Variants in BRSK2 observed in about 807,000 individuals in gnomAD.
The protein encoded by BRSK2 is serine/threonine-protein kinase BRSK2.
In BRSK2, 19 loss-of-function variants were observed where a neutral mutation model predicts 83.3. The observed-to-expected ratio is 0.23, with a 90% CI of 0.16 to 0.33. The LOEUF (loss-of-function observed/expected upper bound fraction) is 0.33, where lower values mean the gene tolerates loss of function less well. Among genes scored for constraint, BRSK2 ranks in the 10% least tolerant of loss-of-function variants. The probability of loss-of-function intolerance (pLI) is 1.00; values close to 1 mark genes in which losing one functional copy is unlikely to be tolerated. For synonymous variants in BRSK2, 519 were observed against 435.4 expected (o/e 1.19, Z -2.39); for missense variants, 798 against 1,042.3 (o/e 0.77, Z 3.23).
At chr11:1,391,003 C>T (rs534203555) in intron 1 of BRSK2, among the ~76,000 whole-genome samples, 1 of 152,266 alleles carries the variant, frequency 6.6e-6, no homozygotes, top group South Asian at 2.1e-4. Context: ...GTGCTGGGAC[C>T]AGAAGTGCGT....
intron 1 of BRSK2, among the ~76,000 whole-genome samples, chr11:1,421,338 G>A (rs551427866): frequency 6.6e-6 from 1 of 152,206 alleles, no homozygotes; most frequent in East Asian, 1.9e-4. Context: ...CTGCAGAGAT[G>A]CCTGCCTCTG....
intron 1 of BRSK2, among the ~76,000 whole-genome samples, chr11:1,397,905 C>G (rs1245328566): frequency 6.6e-6 from 1 of 152,138 alleles, no homozygotes; most frequent in Non-Finnish European, 1.5e-5. Context: ...TGGGGGTGCC[C>G]AGGGCATTCA....
At chr11:1,444,811 C>T (rs1851794077) in intron 8 of BRSK2, among the ~76,000 whole-genome samples, 160 bp from the exon 9 acceptor site, 1 of 151,790 alleles carries the variant, frequency 6.6e-6, no homozygotes, top group Admixed American at 6.6e-5. Context: ...GGGAACGCAG[C>T]CCCCTCCCTA....
intron 1 of BRSK2, among the ~76,000 whole-genome samples, chr11:1,402,134 G>A (rs1249543581): frequency 6.6e-6 from 1 of 152,218 alleles, no homozygotes; most frequent in African/African-American, 2.4e-5. Context: ...CTGCGTGTGG[G>A]TGCCGGAGAG....
chr11:1,437,142 G>A (rs1281892728), intron 2 of BRSK2, among the ~76,000 whole-genome samples: 2 of 152,046 alleles, frequency 1.3e-5, no homozygotes, highest in African/African-American at 4.8e-5. Flanking sequence ...GGGCGTAGCT[G>A]GGGAGAGTCC....
chr11:1,418,557 T>A (rs1397849977), intron 1 of BRSK2, among the ~76,000 whole-genome samples: 1 of 151,356 alleles, frequency 6.6e-6, no homozygotes, highest in Non-Finnish European at 1.5e-5. Flanking sequence ...CTGTTTCTTC[T>A]CTTGAGAGTG....
In BRSK2 at chr11:1,462,183, G is replaced by C. The variant is rs1847576575; in HGVS notation, c.*1460G>C. On this transcript the variant is annotated 3_prime_UTR_variant, in exon 20 of 20. Coordinates refer to ENST00000528841, the MANE Select transcript of BRSK2 (RefSeq NM_001256627.2). ...AGCGAGGCCCAGGGCGCAGCCCTCA[G>C]AGGGCTGCAGGCCCACCCTGCCCAG... is the stretch of plus-strand genomic sequence containing the variant. The C allele has an allele frequency of 6.6e-6, 1 of 152,284 alleles. No individual in the cohort carries two copies. 9.4% of individuals were successfully genotyped at this position (152,284 alleles called of 1,614,324 possible).
intron 1 of BRSK2, among the ~76,000 whole-genome samples, chr11:1,412,352 G>A (rs1192608691): frequency 6.0e-4 from 8 of 13,368 alleles, no homozygotes; most frequent in African/African-American, 2.8e-4. Context: ...GCGCCGCCCC[G>A]TCCTGCGGTG....
intron 12 of BRSK2, among the ~76,000 whole-genome samples, chr11:1,449,380 G>T (rs192159399): frequency 2.0e-5 from 3 of 152,226 alleles, no homozygotes; most frequent in African/African-American, 4.8e-5. Flanking sequence ...AGCCAGGGGG[G>T]GCTTGGCAGG....
chr11:1,439,431 T>C (rs750781103), intron 3 of BRSK2, among the ~76,000 whole-genome samples: 7 of 151,010 alleles, frequency 4.6e-5, no homozygotes, highest in Non-Finnish European at 1.0e-4. Context: ...GGGGTGGTCC[T>C]GGCCCTGATG....
intron 15 of BRSK2, among the ~76,000 whole-genome samples, chr11:1,453,385 A>C (rs1449147890): frequency 6.6e-6 from 1 of 152,230 alleles, no homozygotes; most frequent in Non-Finnish European, 1.5e-5. Flanking sequence ...CTGTCTCTTC[A>C]TCGGGCAGAA....
At chr11:1,427,930 C>T (rs1849441192) in intron 1 of BRSK2, among the ~76,000 whole-genome samples, 1 of 152,188 alleles carries the variant, frequency 6.6e-6, no homozygotes, top group Non-Finnish European at 1.5e-5. Context: ...CAGAGAAACT[C>T]GGAGCTGAGG....
At chr11:1,449,563 G>C (rs943988203) in intron 12 of BRSK2, among the ~76,000 whole-genome samples, 1 of 152,136 alleles carries the variant, frequency 6.6e-6, no homozygotes, top group Non-Finnish European at 1.5e-5. Flanking sequence ...GCCCCCACAC[G>C]TGGGCTCTGA....
chr11:1,453,576 C>CT (rs1444497323), intron 15 of BRSK2, among the ~76,000 whole-genome samples: 2 of 152,198 alleles, frequency 1.3e-5, no homozygotes, highest in Non-Finnish European at 2.9e-5. Context: ...CGTCGAGGGG[C>CT]TGAGTGAGGG....
intron 1 of BRSK2, among the ~76,000 whole-genome samples, chr11:1,425,138 G>A (rs542845235): frequency 1.8e-4 from 28 of 152,240 alleles, no homozygotes; most frequent in Admixed American, 4.6e-4. Context: ...CCTGCGCTGC[G>A]TGGCCGGTCG....
At chr11:1,459,318 G>A (rs939122846) in intron 19 of BRSK2, 79 bp downstream of exon 19, 48 of 1,541,856 alleles carry the variant, frequency 3.1e-5, no homozygotes, top group Non-Finnish European at 3.9e-5. Context: ...GCCGCCACCT[G>A]CCGCCCGGGT....
chr11:1,434,223 G>A (rs1219424901), intron 1 of BRSK2, among the ~76,000 whole-genome samples: 1 of 152,232 alleles, frequency 6.6e-6, no homozygotes, highest in Non-Finnish European at 1.5e-5. Context: ...GAGTCTGGGT[G>A]AAATTTGAGC....
At chr11:1,442,324 C>T (rs139719931) in intron 4 of BRSK2, 166 bp from the exon 5 acceptor site, 33 of 573,496 alleles carry the variant, frequency 5.8e-5, no homozygotes, top group African/African-American at 2.2e-4. Context: ...ACCAGGCAGG[C>T]GACTTCTGAT....
At chr11:1,410,920 A>C in intron 1 of BRSK2, 1 of 988,302 alleles carries the variant, frequency 1.0e-6, no homozygotes, top group Non-Finnish European at 1.2e-6. Flanking sequence ...GGTGTTCCCC[A>C]GTCTCAGAGG....
Sources: gnomAD v4.1 joint callset for allele counts (sites outside exome capture counted in the v4.1 genomes callset) on GRCh38, gnomAD v4.1.1 for gene constraint, MANE v1.5 for transcripts, NCBI Gene and HGNC (gene_info 2026-07-23, HGNC 2026-07-21) for gene names.